Variants in TBC1D22B observed in about 807,000 individuals in gnomAD.
TBC1D22B encodes TBC1 domain family member 22B, also known as chromosome 6 open reading frame 197.
Under a neutral mutation model 69.1 loss-of-function variants are expected in TBC1D22B, and 32 were observed. The observed-to-expected ratio is 0.46, with a 90% CI of 0.35 to 0.62. The LOEUF is 0.62. TBC1D22B is among the 20% of genes least tolerant of loss of function. TBC1D22B has a pLI of 0.00. For missense variants in TBC1D22B, 462 were observed against 630.9 expected, an observed-to-expected ratio of 0.73 and a Z score of 2.87; for synonymous variants, 206 against 229.8, an observed-to-expected ratio of 0.90 and a Z score of 0.94.
At chr6:37,311,539 T>C (rs1398869594) in intron 8 of TBC1D22B, among the ~76,000 whole-genome samples, 2 of 151,778 alleles carry the variant, frequency 1.3e-5, no homozygotes, top group African/African-American at 4.8e-5. Context: ...TGGGCGTGGT[T>C]GTATGCACCT....
chr6:37,305,936 C>T (rs1367323965), intron 8 of TBC1D22B, among the ~76,000 whole-genome samples: 4 of 152,188 alleles, frequency 2.6e-5, no homozygotes, highest in Admixed American at 2.6e-4. Flanking sequence ...GAGTTTTTAG[C>T]AGCCACCCTA....
At chr6:37,323,708 A>G (rs944278060) in intron 12 of TBC1D22B, among the ~76,000 whole-genome samples, 2 of 152,254 alleles carry the variant, frequency 1.3e-5, no homozygotes, top group Admixed American at 6.5e-5. Flanking sequence ...CACTTCTGCA[A>G]GAACACAGGG....
intron 8 of TBC1D22B, among the ~76,000 whole-genome samples, chr6:37,307,990 C>T (rs1478405808): frequency 6.6e-6 from 1 of 152,170 alleles, no homozygotes; most frequent in Non-Finnish European, 1.5e-5. Context: ...GACTGGGGCT[C>T]AGAGTTCTTG....
chr6:37,295,426 T>G (rs540617467), intron 8 of TBC1D22B, among the ~76,000 whole-genome samples: 1 of 152,310 alleles, frequency 6.6e-6, no homozygotes, highest in South Asian at 2.1e-4. Context: ...CATTTTTTAA[T>G]TTTTTATTTT....
intron 12 of TBC1D22B, among the ~76,000 whole-genome samples, chr6:37,326,376 C>CA (rs10651731): frequency 0.038 from 4,384 of 115,874 alleles, 250 homozygotes; most frequent in African/African-American, 0.1. Context: ...GACTGCGCCT[C>CA]AAAAAAAAAA....
In TBC1D22B at chr6:37,286,992, C is replaced by G. The variant is rs1767026955; in HGVS notation, c.802-15C>G. On this transcript the variant is annotated splice_polypyrimidine_tract_variant and intron_variant, in intron 6 of 12. Transcript: ENST00000373491. Reference sequence around the variant, plus strand: ...ACTGGCATTTGTGTTTTTGGACATGCCTTCTCTTTTTCAGATTCACATTGA... The same window carrying G: ...ACTGGCATTTGTGTTTTTGGACATGGCTTCTCTTTTTCAGATTCACATTGA... The G allele has an allele frequency of 6.3e-7, 1 of 1,589,556 alleles. No homozygotes were observed. The highest frequency in any genetic ancestry group is 1.4e-5 in the African/African-American group (1 of 72,928).
At chr6:37,275,966 C>CTTTTTTTTTTTTTTT (rs149995165) in intron 2 of TBC1D22B, among the ~76,000 whole-genome samples, 3 of 133,218 alleles carry the variant, frequency 2.3e-5, no homozygotes, top group African/African-American at 8.4e-5. Flanking sequence ...TTCTTTTTTT[C>CTTTTTTTTTTTTTTT]TTTTTTTTTT....
chr6:37,262,016 GAAA>G (rs34575719), intron 1 of TBC1D22B, among the ~76,000 whole-genome samples: 3 of 84,638 alleles, frequency 3.5e-5, no homozygotes, highest in African/African-American at 4.7e-5. Flanking sequence ...GGGCACAGGA[GAAA>G]AAAAAAATCA....
chr6:37,302,124 G>C (rs1304601449), intron 8 of TBC1D22B, among the ~76,000 whole-genome samples: 1 of 152,196 alleles, frequency 6.6e-6, no homozygotes, highest in Non-Finnish European at 1.5e-5. Context: ...TATGTTTGTT[G>C]TAAAGTAGTT....
intron 8 of TBC1D22B, among the ~76,000 whole-genome samples, chr6:37,296,334 A>C (rs917435428): frequency 1.3e-5 from 2 of 152,144 alleles, no homozygotes; most frequent in Non-Finnish European, 2.9e-5. Flanking sequence ...ACAGGATCTC[A>C]CTCTGTCACC....
chr6:37,320,649 T>A (rs917988365), intron 12 of TBC1D22B, among the ~76,000 whole-genome samples: 2 of 152,182 alleles, frequency 1.3e-5, no homozygotes, highest in South Asian at 4.1e-4. Flanking sequence ...GGCAAAGGGC[T>A]GGGTCCCAGC....
In TBC1D22B at chr6:37,318,965, G is replaced by T. The variant is rs552310482; in HGVS notation, c.1389+1759G>T. On this transcript the variant is annotated intron_variant, in intron 12 of 12. Coordinates refer to ENST00000373491, the MANE Select transcript of TBC1D22B (RefSeq NM_017772.4). Reference sequence around the variant, plus strand: ...GCAGGGGGAAAAGCCAGAGAAAGTTGAATGCTTTTCTAAGTTCTAACTAAT... The same window carrying T: ...GCAGGGGGAAAAGCCAGAGAAAGTTTAATGCTTTTCTAAGTTCTAACTAAT... Among the ~76,000 whole-genome samples the T allele has an allele frequency of 2.6e-5, 4 of 152,294 alleles. No individual in the cohort carries two copies. In the South Asian group the frequency reaches 8.3e-4, roughly 32 times the overall value.
chr6:37,299,731 C>T (rs1430409990), intron 8 of TBC1D22B, among the ~76,000 whole-genome samples: 3 of 152,104 alleles, frequency 2.0e-5, no homozygotes, highest in African/African-American at 4.8e-5. Flanking sequence ...AAATACTGGC[C>T]GGGCATGGTG....
chr6:37,326,161 T>G (rs1198404750), intron 12 of TBC1D22B, among the ~76,000 whole-genome samples: 2 of 148,956 alleles, frequency 1.3e-5, no homozygotes, highest in Non-Finnish European at 3.0e-5. Context: ...GCGGGCAGAT[T>G]ACGAGGTCAA....
intron 12 of TBC1D22B, among the ~76,000 whole-genome samples, chr6:37,325,742 G>A (rs1581637459): frequency 1.3e-5 from 2 of 152,090 alleles, no homozygotes; most frequent in African/African-American, 4.8e-5. Flanking sequence ...TAGAGATGGG[G>A]TTTCACCATG....
At chr6:37,313,690 A>T in intron 9 of TBC1D22B, 126 bp from the exon 10 acceptor site, 1 of 871,694 alleles carries the variant, frequency 1.1e-6, no homozygotes, top group Non-Finnish European at 1.9e-6. Context: ...GTTTCCCAGA[A>T]CACTGTCACT....
intron 2 of TBC1D22B, among the ~76,000 whole-genome samples, chr6:37,273,183 CAAAAAAAA>C (rs58720560): frequency 2.6e-5 from 2 of 77,270 alleles, no homozygotes; most frequent in African/African-American, 4.8e-5. Flanking sequence ...AACCCCGAGG[CAAAAAAAA>C]AAAAAAAAAA....
chr6:37,289,659 C>T (rs1767117174), intron 7 of TBC1D22B, among the ~76,000 whole-genome samples: 1 of 152,214 alleles, frequency 6.6e-6, no homozygotes, highest in Admixed American at 6.5e-5. Flanking sequence ...AAAGACCAAC[C>T]TGGAGGAGCT....
In TBC1D22B at chr6:37,259,276, G is replaced by T. The variant is rs144310713; in HGVS notation, c.56+1303G>T. Among the ~76,000 whole-genome samples, 696 of 152,294 alleles carry T rather than the reference G, an allele frequency of 4.6e-3. 2 individuals carry two copies. The highest frequency in any genetic ancestry group is 0.034 in the Middle Eastern group (10 of 294). On this transcript the variant is annotated intron_variant, in intron 1 of 12. Coordinates refer to ENST00000373491, the MANE Select transcript of TBC1D22B (RefSeq NM_017772.4). ...TGCAAAGATAACTTCAGATTAAAGT[G>T]CTGTGGACTCAACAGTGTTAATATT... is the stretch of plus-strand genomic sequence containing the variant.
Sources: gnomAD v4.1 joint callset for allele counts (sites outside exome capture counted in the v4.1 genomes callset) on GRCh38, gnomAD v4.1.1 for gene constraint, MANE v1.5 for transcripts, NCBI Gene and HGNC (gene_info 2026-07-23, HGNC 2026-07-21) for gene names.